Variants in SSC5D observed in about 807,000 individuals in gnomAD.
SSC5D encodes scavenger receptor cysteine rich family member with 5 domains.
Under a neutral mutation model 104.6 loss-of-function variants are expected in SSC5D, and 106 were observed. The observed-to-expected ratio is 1.01, with a 90% confidence interval of 0.87 to 1.19. SSC5D has a LOEUF of 1.19. SSC5D is among the 50% of genes most tolerant of loss of function. The pLI, the probability that SSC5D is intolerant of heterozygous loss-of-function variation, is 0.00. For missense variants in SSC5D, 1,993 were observed against 2,153.8 expected (o/e 0.93, Z 1.48); for synonymous variants, 860 against 883.5 (o/e 0.97, Z 0.47).
chr19:55,488,518 C>T lies in SSC5D; in HGVS notation c.-72C>T. The T allele has an allele frequency of 5.6e-6, 8 of 1,418,498 alleles. No homozygotes were observed. Among genetic ancestry groups the T allele is most frequent in the Non-Finnish European group, 4.9e-6 (5 of 1,027,866 alleles). 87.9% of individuals were successfully genotyped at this position (1,418,498 alleles called of 1,614,324 possible). ...AGGCACTTCCCTCCCTCCCTCTCTC[C>T]CCAGCTGCCTCCTCCTCTTCTCTCC... On this transcript the variant is annotated 5_prime_UTR_variant, in exon 1 of 14. Transcript: ENST00000389623.
chr19:55,500,377 C>T lies in SSC5D; in HGVS notation c.2267C>T (p.Ala756Val). Residue 756 changes from alanine to valine, a missense_variant, in exon 10 of 14, where the codon GCC becomes GTC. Ala to Val is a moderately conservative substitution (Grantham distance 64, BLOSUM62 0). Around this residue, in one of 6 missense-constraint regions of SSC5D, gnomAD observed 1,101 missense variants for 1,085.0 expected, o/e 1.01. Transcript: ENST00000389623. The surrounding 1 kb of genome is among the most constrained non-coding windows in gnomAD (Gnocchi z 4.6). ...TCTCCAGAGTCACCCAAAGACCCGG[C>T]CCCCTCTCCCAGTGTTAGCACCACT... ...EGSPESPKDP[A>V]PSPSVSTTGE... 1.9e-6 allele frequency: 3 copies of T among 1,551,196 alleles called. No homozygotes were observed. The highest frequency in any genetic ancestry group is 2.6e-6 in the Non-Finnish European group (3 of 1,146,850).
In SSC5D at chr19:55,501,093, C is replaced by T. The variant is rs903023415; in HGVS notation, c.2677C>T (p.Leu893=). 99 of 1,551,688 alleles carry T rather than the reference C, an allele frequency of 6.4e-5. No individual in the cohort carries two copies. The highest frequency in any genetic ancestry group is 7.9e-5 in the Non-Finnish European group (91 of 1,146,994). Residue 893 remains leucine (L), a synonymous_variant, in exon 12 of 14, where the codon CTG becomes TTG. Transcript: ENST00000389623. ...CTGGGACCCCACCTCAAGAGAGGACCTGGCCAAGGGGACTACCACAGCGGG... is the reference window on the plus strand; with the variant it reads ...CTGGGACCCCACCTCAAGAGAGGACTTGGCCAAGGGGACTACCACAGCGGG... ...WTWDPTSRED[L]AKGTTTAGVP... is the part of the protein sequence containing the mutation.
rs1175575738 is a variant in SSC5D, at chr19:55,503,413, C to G, written c.2785+2212C>G. The stretch of plus-strand genomic sequence containing the variant: ...AGCGCTGTGGTATCTTTTCCTTTGT[C>G]TCTTACGGTTGTTTTCTGAGTCTCC... On this transcript the variant is annotated intron_variant, in intron 12 of 13. Coordinates refer to ENST00000389623, the MANE Select transcript of SSC5D (RefSeq NM_001144950.2). This position sits in a 1 kb window ranked among gnomAD's most constrained non-coding sequence, Gnocchi z 4.0. Among the ~76,000 whole-genome samples, 1 of 152,128 alleles carries G rather than the reference C, an allele frequency of 6.6e-6. No homozygotes were observed. The highest frequency in any genetic ancestry group is 2.1e-4 in the South Asian group (1 of 4,818).
At position 55,517,800 on chromosome 19, in the gene SSC5D, T is replaced by A. The variant is rs191675179; in HGVS notation, c.3524T>A (p.Phe1175Tyr). The change falls in exon 14 of 14, where the codon TTC becomes TAC. Residue 1175 changes from phenylalanine (F) to tyrosine (Y), a missense_variant. By Grantham distance (22) the Phe-to-Tyr change is conservative. Coordinates refer to ENST00000389623, the MANE Select transcript of SSC5D (RefSeq NM_001144950.2). ...TTLNPTVTPH[F>Y]PTTPHPTTTP... The stretch of plus-strand genomic sequence containing the variant: ...CTTAACCCTACTGTGACCCCTCACT[T>A]CCCTACCACCCCTCACCCCACCACG... 5,415 of 1,459,776 alleles carry A rather than the reference T, an allele frequency of 3.7e-3. 25 individuals carry two copies. Among genetic ancestry groups the A allele is most frequent in the Non-Finnish European group, 4.7e-3 (5,100 of 1,092,394 alleles). 90.4% of individuals were successfully genotyped at this position (1,459,776 alleles called of 1,614,324 possible).
chr19:55,491,087 C>CG lies in SSC5D; in HGVS notation c.895+10dup, dbSNP rs1168926135. The CG allele has an allele frequency of 1.9e-6, 3 of 1,545,204 alleles. No individual in the cohort carries two copies. The African/African-American group carries it at 4.1e-5, about 21-fold the overall frequency. ...GCGGGGCTGGTCTGCACCGGTACGTCGGGCTGGGGCCTGGCCCCCTCCTGT... is the reference window on the plus strand; with the variant it reads ...GCGGGGCTGGTCTGCACCGGTACGTCGGGGCTGGGGCCTGGCCCCCTCCTGT... On this transcript the variant is annotated splice_region_variant and intron_variant, in intron 6 of 13. Transcript: ENST00000389623.
chr19:55,499,540 AGG>A (rs1987413756), intron 9 of SSC5D, among the ~76,000 whole-genome samples: 1 of 152,048 alleles, frequency 6.6e-6, no homozygotes. Context: ...TGGAGAGGAG[AGG>A]TCAGGTGTGA....
chr19:55,504,424 C>A, intron 12 of SSC5D: 3 of 1,031,474 alleles, frequency 2.9e-6, no homozygotes, highest in Non-Finnish European at 3.8e-6. Context: ...GGCATGCATT[C>A]TTAGCTTCAG....
chr19:55,502,946 G>A (rs1987544218), intron 12 of SSC5D, among the ~76,000 whole-genome samples: 1 of 152,136 alleles, frequency 6.6e-6, no homozygotes, highest in South Asian at 2.1e-4. Flanking sequence ...CTCCTGAATA[G>A]CTGGGATTAC....
Position 55,503,967 on chromosome 19 carries a change from C to T in SSC5D, c.2785+2766C>T. 5.5e-6 allele frequency: 4 copies of T among 727,790 alleles called. No individual in the cohort carries two copies. Among genetic ancestry groups the T allele is most frequent in the Non-Finnish European group, 8.5e-6 (4 of 470,042 alleles). 45.1% of individuals were successfully genotyped at this position (727,790 alleles called of 1,614,324 possible). ...GATTGGCCAGCCGGCGCATCGCCCGCAGTAATAATAGCTGGGCGAAGGGCA... is the reference window on the plus strand; with the variant it reads ...GATTGGCCAGCCGGCGCATCGCCCGTAGTAATAATAGCTGGGCGAAGGGCA... On this transcript the variant is annotated intron_variant, in intron 12 of 13. Coordinates refer to ENST00000389623, the MANE Select transcript of SSC5D (RefSeq NM_001144950.2). The surrounding 1 kb of genome is among the most constrained non-coding windows in gnomAD (Gnocchi z 4.0).
chr19:55,491,183 T>C (rs1446824986), intron 6 of SSC5D, 103 bp downstream of exon 6: 11 of 1,309,310 alleles, frequency 8.4e-6, no homozygotes, highest in African/African-American at 3.0e-5. Context: ...CTCTGCCTCC[T>C]GCCCGCCTGC....
chr19:55,495,233 A>ATATATATATATATATTTTTTTTT (rs1555765051), intron 8 of SSC5D, among the ~76,000 whole-genome samples: 1 of 50,668 alleles, frequency 2.0e-5, no homozygotes, highest in African/African-American at 9.8e-5. Context: ...ATATATATAT[A>ATATATATATATATATTTTTTTTT]TTTTTTTTTT....
Position 55,500,380 on chromosome 19 carries a change from C to G in SSC5D, c.2270C>G (p.Pro757Arg). Residue 757 changes from proline to arginine, a missense_variant, in exon 10 of 14, where the codon CCC becomes CGC. Pro to Arg is a moderately radical substitution (Grantham distance 103, BLOSUM62 -2). Coordinates refer to ENST00000389623, the MANE Select transcript of SSC5D (RefSeq NM_001144950.2). The surrounding 1 kb of genome is among the most constrained non-coding windows in gnomAD (Gnocchi z 4.6). ...CCAGAGTCACCCAAAGACCCGGCCC[C>G]CTCTCCCAGTGTTAGCACCACTGGG... Reference protein sequence around the residue: ...GSPESPKDPAPSPSVSTTGES... With the variant: ...GSPESPKDPARSPSVSTTGES... 1 of 1,551,318 alleles carries G rather than the reference C, an allele frequency of 6.4e-7. No individual in the cohort carries two copies. The highest frequency in any genetic ancestry group is 8.7e-7 in the Non-Finnish European group (1 of 1,146,874).
rs1293262087 is a variant in SSC5D at position 55,499,986 on chromosome 19, A to G, written c.1876A>G (p.Lys626Glu). Residue 626 changes from lysine (K) to glutamate (E), a missense_variant, in exon 10 of 14, where the codon AAG (lysine) becomes GAG (glutamate). Around this residue, in one of 6 missense-constraint regions of SSC5D, gnomAD observed 1,101 missense variants for 1,085.0 expected, o/e 1.01. Transcript: ENST00000389623. ...CACGAAGGCCCCAGGGAAAATGCCT[A>G]AGAGTACTAAGAAGTGGGTGACAAA... Reference protein sequence around the residue: ...TTTKAPGKMPKSTKKWVTKNA... With the variant: ...TTTKAPGKMPESTKKWVTKNA... 2.6e-6 allele frequency: 4 copies of G among 1,551,842 alleles called. No individual in the cohort carries two copies. Among genetic ancestry groups the G allele is most frequent in the East Asian group, 2.4e-5 (1 of 40,920 alleles).
intron 12 of SSC5D, among the ~76,000 whole-genome samples, chr19:55,509,365 C>T (rs1350215063): frequency 2.0e-5 from 3 of 152,104 alleles, no homozygotes; most frequent in Admixed American, 6.5e-5. Context: ...CACAACGAGG[C>T]GTCGAGAAAT....
At chr19:55,495,629 A>G (rs909954446) in intron 8 of SSC5D, among the ~76,000 whole-genome samples, 3 of 152,014 alleles carry the variant, frequency 2.0e-5, no homozygotes, top group Non-Finnish European at 2.9e-5. Flanking sequence ...GACAGCCACT[A>G]AAAAGATTGT....
chr19:55,504,480 G>A (rs945890186), intron 12 of SSC5D, among the ~76,000 whole-genome samples: 1 of 152,076 alleles, frequency 6.6e-6, no homozygotes, highest in African/African-American at 2.4e-5. Context: ...TTGAGTCCCC[G>A]TTTCTTATTT....
At chr19:55,493,555 C>A in intron 6 of SSC5D, 40 bp from the exon 7 acceptor site, 1 of 1,399,994 alleles carries the variant, frequency 7.1e-7, no homozygotes, top group Non-Finnish European at 9.2e-7. Context: ...GCTCATCCAC[C>A]CTCGTTTCCT....
intron 13 of SSC5D, among the ~76,000 whole-genome samples, chr19:55,515,396 CAA>C (rs71181781): frequency 6.9e-4 from 60 of 86,568 alleles, no homozygotes; most frequent in East Asian, 1.4e-3. Context: ...AACTCCGTCT[CAA>C]AAAAAAAAAA....
intron 12 of SSC5D, among the ~76,000 whole-genome samples, chr19:55,511,049 G>A (rs1028204223): frequency 1.3e-5 from 2 of 152,166 alleles, no homozygotes; most frequent in Admixed American, 1.3e-4. Flanking sequence ...AAAGTGCTGG[G>A]ATTACAGGCG....
Sources: allele counts gnomAD v4.1 joint callset (sites outside exome capture counted in the v4.1 genomes callset), GRCh38; gene constraint gnomAD v4.1.1; regional missense constraint gnomAD v4.1.1; non-coding constraint Gnocchi (gnomAD v3.1); transcripts MANE v1.5; gene names NCBI Gene and HGNC (gene_info 2026-07-23, HGNC 2026-07-21).